The following SLC25A21 variants were observed in gnomAD, a reference collection of about 807,000 sequenced individuals.
SLC25A21 encodes mitochondrial 2-oxodicarboxylate carrier.
In SLC25A21, 47 loss-of-function variants were observed where a neutral mutation model predicts 43.8. That is an observed-to-expected ratio of 1.07 (90% CI 0.85 to 1.37). The LOEUF is 1.37. Ranked by LOEUF, SLC25A21 falls within the 40% of genes most tolerant of loss-of-function variation. The pLI, the probability that SLC25A21 is intolerant of heterozygous loss-of-function variation, is 0.00. For synonymous variants in SLC25A21, 131 were observed against 121.3 expected (o/e 1.08, Z -0.52); for missense variants, 352 against 350.2 (o/e 1.00, Z -0.04).
At chr14:36,695,087 A>C (rs1326326911) in intron 7 of SLC25A21, among the ~76,000 whole-genome samples, 1 of 152,166 alleles carries the variant, frequency 6.6e-6, no homozygotes, top group Non-Finnish European at 1.5e-5. Flanking sequence ...ATTTTTGCAT[A>C]AGGTATAAGG....
intron 6 of SLC25A21, among the ~76,000 whole-genome samples, chr14:36,717,828 T>C (rs1566533340): frequency 6.6e-6 from 1 of 152,208 alleles, no homozygotes; most frequent in Non-Finnish European, 1.5e-5. Context: ...TTATTTTCTC[T>C]ACCTTATAAA....
intron 3 of SLC25A21, among the ~76,000 whole-genome samples, chr14:36,765,210 A>T (rs1251274117): frequency 6.6e-6 from 1 of 152,242 alleles, no homozygotes; most frequent in East Asian, 1.9e-4. Flanking sequence ...TAAGAAGCCC[A>T]GGCTGCATGA....
At chr14:37,020,205 C>T (rs1960954405) in intron 1 of SLC25A21, among the ~76,000 whole-genome samples, 2 of 151,702 alleles carry the variant, frequency 1.3e-5, no homozygotes, top group Admixed American at 1.3e-4. Context: ...GAGCTATTTG[C>T]CCTAAATAAT....
chr14:37,161,983 A>T (rs2138950029), intron 1 of SLC25A21, among the ~76,000 whole-genome samples: 1 of 147,070 alleles, frequency 6.8e-6, no homozygotes, highest in Admixed American at 6.8e-5. Context: ...AAAAAAAAAA[A>T]GAAATCTAAT....
At chr14:37,017,683 G>C (rs1322962675) in intron 1 of SLC25A21, among the ~76,000 whole-genome samples, 1 of 151,940 alleles carries the variant, frequency 6.6e-6, no homozygotes, top group Non-Finnish European at 1.5e-5. Context: ...GCCTGTATCT[G>C]AATGTTTTTT....
intron 2 of SLC25A21, among the ~76,000 whole-genome samples, chr14:36,861,390 T>C (rs765827786): frequency 2.6e-5 from 4 of 152,326 alleles, no homozygotes; most frequent in Admixed American, 6.5e-5. Context: ...GATTCCCATA[T>C]GCTCGACTCA....
At chr14:36,963,946 C>CT (rs1489590212) in intron 1 of SLC25A21, among the ~76,000 whole-genome samples, 26 of 151,322 alleles carry the variant, frequency 1.7e-4, no homozygotes, top group South Asian at 8.4e-4. Context: ...CCCTTGAAAC[C>CT]TTTTTTTTTG....
At position 36,874,957 on chromosome 14, in the gene SLC25A21, T is replaced by C. The variant is rs749576440; in HGVS notation, c.118A>G (p.Arg40Gly). 3.1e-6 allele frequency: 5 copies of C among 1,609,502 alleles called. No individual in the cohort carries two copies. In the Admixed American group the frequency reaches 5.0e-5, roughly 16 times the overall value. The change falls in exon 2 of 10, where the codon AGG becomes GGG. Residue 40 changes from arginine to glycine, a missense_variant and splice_region_variant. Transcript: ENST00000331299. ...AAACTTGTTCATGCAGAACCTTACC[T>C]GGTTTTCACCACATCTAGGGGGTGC... Reference protein sequence around the residue: ...LMHPLDVVKTRFQIQRCATDP... With the variant: ...LMHPLDVVKTGFQIQRCATDP...
chr14:36,741,812 A>G (rs1413333686), intron 3 of SLC25A21, among the ~76,000 whole-genome samples: 1 of 152,234 alleles, frequency 6.6e-6, no homozygotes, highest in Admixed American at 6.5e-5. Context: ...AATAGGAGCG[A>G]CAGGGAAAGT....
intron 1 of SLC25A21, 49 bp downstream of exon 1, chr14:37,172,232 G>A (rs1225547427): frequency 6.5e-7 from 1 of 1,529,124 alleles, no homozygotes; most frequent in Non-Finnish European, 8.8e-7. Flanking sequence ...CAGGACACGC[G>A]GTGGGGAAAG....
At chr14:36,970,327 G>T (rs1661093189) in intron 1 of SLC25A21, among the ~76,000 whole-genome samples, 2 of 152,074 alleles carry the variant, frequency 1.3e-5, no homozygotes, top group South Asian at 2.1e-4. Context: ...AGAAACATTT[G>T]CTGATGGAAT....
At chr14:36,844,321 T>TCCTGGTAACGTGCTG (rs1889477255) in intron 2 of SLC25A21, among the ~76,000 whole-genome samples, 1 of 152,202 alleles carries the variant, frequency 6.6e-6, no homozygotes, top group South Asian at 2.1e-4. Flanking sequence ...TCTGACAATT[T>TCCTGGTAACGTGCTG]GCTCCCACTC....
intron 1 of SLC25A21, among the ~76,000 whole-genome samples, chr14:36,934,205 C>T (rs1259349421): frequency 6.6e-6 from 1 of 151,938 alleles, no homozygotes; most frequent in Non-Finnish European, 1.5e-5. Context: ...CCTTTTAGGA[C>T]TTGAGTAAAG....
chr14:36,744,387 A>G (rs1840569716), intron 3 of SLC25A21, among the ~76,000 whole-genome samples: 1 of 151,236 alleles, frequency 6.6e-6, no homozygotes, highest in South Asian at 2.1e-4. Context: ...AAAGCCACAT[A>G]CCTACAACCA....
intron 2 of SLC25A21, among the ~76,000 whole-genome samples, chr14:36,828,911 T>C (rs1390846029): frequency 6.6e-6 from 1 of 152,156 alleles, no homozygotes; most frequent in East Asian, 1.9e-4. Context: ...CTTTGTTTTG[T>C]TTATTTGCTT....
intron 5 of SLC25A21, among the ~76,000 whole-genome samples, chr14:36,726,468 A>G (rs1482676001): frequency 6.6e-6 from 1 of 152,088 alleles, no homozygotes; most frequent in African/African-American, 2.4e-5. Flanking sequence ...AGAAGAAGAA[A>G]AAGAAGAAAA....
chr14:36,680,583 C>G lies in SLC25A21; in HGVS notation c.*75G>C. 6.5e-7 allele frequency: 1 copy of G among 1,533,918 alleles called. No homozygotes were observed. Among genetic ancestry groups the G allele is most frequent in the Non-Finnish European group, 8.8e-7 (1 of 1,139,518 alleles). The stretch of plus-strand genomic sequence containing the variant: ...CTTCATAATTATACACCTGGCCGAT[C>G]GATAGTCTCTCTTCTTCATGGTGCT... On this transcript the variant is annotated 3_prime_UTR_variant, in exon 10 of 10. Coordinates refer to ENST00000331299, the MANE Select transcript of SLC25A21 (RefSeq NM_030631.4).
intron 1 of SLC25A21, among the ~76,000 whole-genome samples, chr14:36,904,075 GA>G (rs1359446616): frequency 6.6e-6 from 1 of 152,196 alleles, no homozygotes; most frequent in Non-Finnish European, 1.5e-5. Flanking sequence ...TCCTTTGAAA[GA>G]GCATCCTCTG....
chr14:36,898,346 T>C (rs1431899459), intron 1 of SLC25A21, among the ~76,000 whole-genome samples: 1 of 152,136 alleles, frequency 6.6e-6, no homozygotes, highest in Non-Finnish European at 1.5e-5. Flanking sequence ...GCACAGGATA[T>C]AATCTCCTGG....
Sources: allele counts gnomAD v4.1 joint callset (sites outside exome capture counted in the v4.1 genomes callset), GRCh38; gene constraint gnomAD v4.1.1; transcripts MANE v1.5; gene names NCBI Gene and HGNC (gene_info 2026-07-23, HGNC 2026-07-21).